Variants in DACH2 observed in about 807,000 individuals in gnomAD.
The protein encoded by DACH2 is dachshund homolog 2.
Under a neutral mutation model 35.8 loss-of-function variants are expected in DACH2, and 17 were observed. The observed-to-expected ratio is 0.48, with a 90% CI of 0.33 to 0.71. The LOEUF (loss-of-function observed/expected upper bound fraction) is 0.71. Ranked by LOEUF, DACH2 falls within the 30% of genes least tolerant of loss-of-function variation. DACH2 has a pLI of 0.02. For synonymous variants in DACH2, 195 were observed against 177.3 expected (o/e 1.10, Z -0.79); for missense variants, 469 against 472.7 (o/e 0.99, Z 0.07).
chrX:86,302,901 T>TA (rs1217990677), intron 1 of DACH2, among the ~76,000 whole-genome samples: 2 of 109,288 alleles, frequency 1.8e-5, no homozygotes, highest in African/African-American at 6.7e-5. Context: ...AACCAATATG[T>TA]AATGAGTAAA....
chrX:86,406,754 A>G (rs1260754318), intron 2 of DACH2, among the ~76,000 whole-genome samples: 1 of 112,102 alleles, frequency 8.9e-6, no homozygotes, highest in Non-Finnish European at 1.9e-5. Context: ...TCACTTTCTA[A>G]CAGCAGAAAC....
chrX:86,783,350 C>A (rs73228649), intron 7 of DACH2, among the ~76,000 whole-genome samples: 6,512 of 111,837 alleles, frequency 0.058, 201 homozygotes, highest in Non-Finnish European at 0.088. Flanking sequence ...CTGTGGAGAA[C>A]AATTTGGAGA....
At chrX:86,539,121 C>A (rs772744855) in intron 3 of DACH2, among the ~76,000 whole-genome samples, 1 of 110,847 alleles carries the variant, frequency 9.0e-6, no homozygotes, top group South Asian at 3.9e-4. Flanking sequence ...GGGAGGGACC[C>A]GGCTGGAGAT....
chrX:86,468,798 G>A (rs1025151099), intron 2 of DACH2, among the ~76,000 whole-genome samples: 2 of 111,251 alleles, frequency 1.8e-5, no homozygotes, highest in African/African-American at 3.3e-5. Context: ...CAGTATGGAG[G>A]TTCCTCAGAA....
intron 4 of DACH2, among the ~76,000 whole-genome samples, chrX:86,690,930 T>C (rs1602792854): frequency 8.9e-6 from 1 of 112,142 alleles, no homozygotes; most frequent in Admixed American, 9.5e-5. Context: ...AAAACAGTGA[T>C]AAGTAGTTGA....
At chrX:86,679,488 G>A (rs2040854875) in intron 4 of DACH2, among the ~76,000 whole-genome samples, 1 of 111,365 alleles carries the variant, frequency 9.0e-6, no homozygotes, top group African/African-American at 3.3e-5. Flanking sequence ...CAATAGTTTT[G>A]CAATGTTATT....
chrX:86,660,103 A>C (rs1217440277), intron 4 of DACH2, among the ~76,000 whole-genome samples: 1 of 111,276 alleles, frequency 9.0e-6, no homozygotes, highest in Non-Finnish European at 1.9e-5. Context: ...TATTGCCTCA[A>C]CTTAACATTT....
At chrX:86,446,243 T>C (rs1382872217) in intron 2 of DACH2, among the ~76,000 whole-genome samples, 2 of 109,026 alleles carry the variant, frequency 1.8e-5, no homozygotes, top group Admixed American at 2.0e-4. Flanking sequence ...TGTCCTTACC[T>C]ATTAATTCAG....
At chrX:86,664,817 A>G (rs2040647799) in intron 4 of DACH2, among the ~76,000 whole-genome samples, 1 of 112,033 alleles carries the variant, frequency 8.9e-6, no homozygotes, top group Admixed American at 9.5e-5. Flanking sequence ...TTCTACACCC[A>G]CCATGAATTC....
intron 1 of DACH2, among the ~76,000 whole-genome samples, chrX:86,218,382 A>C (rs939126331): frequency 7.1e-5 from 8 of 112,068 alleles, no homozygotes; most frequent in Non-Finnish European, 1.3e-4. Context: ...ATAGCTATTA[A>C]ATTATCTATT....
rs762322206 is a variant in DACH2 at position 86,184,172 on chromosome X, C to T, written c.488+35064C>T. ...TGAAGGGTTTTTCATGTTTCTATCT[C>T]CTTCAGTTCTGCTTTTATCTTGTTA... On this transcript the variant is annotated intron_variant, in intron 1 of 11. Coordinates refer to ENST00000373125, the MANE Select transcript of DACH2 (RefSeq NM_053281.3). The T allele has an allele frequency of 3.7e-5, 6 of 163,898 alleles. No individual in the cohort carries two copies. The South Asian group carries it at 4.0e-4, about 11-fold the overall frequency. 13.5% of individuals were successfully genotyped at this position (163,898 alleles called of 1,213,427 possible).
intron 3 of DACH2, among the ~76,000 whole-genome samples, chrX:86,590,422 T>A (rs1168832952): frequency 1.8e-5 from 2 of 111,735 alleles, no homozygotes; most frequent in East Asian, 2.8e-4. Context: ...GAGGAGTGGG[T>A]TTGTTACAGA....
intron 1 of DACH2, among the ~76,000 whole-genome samples, chrX:86,286,854 A>G (rs907837212): frequency 8.9e-6 from 1 of 111,931 alleles, no homozygotes; most frequent in Non-Finnish European, 1.9e-5. Context: ...TGTAGTTATT[A>G]TTTTTTATTC....
At chrX:86,762,240 A>G (rs1304865734) in intron 7 of DACH2, among the ~76,000 whole-genome samples, 1 of 111,328 alleles carries the variant, frequency 9.0e-6, no homozygotes, top group African/African-American at 3.3e-5. Context: ...CAGTTCATTA[A>G]CTTCCTGCAA....
chrX:86,494,217 G>T (rs991745371), intron 2 of DACH2, among the ~76,000 whole-genome samples: 4 of 112,206 alleles, frequency 3.6e-5, no homozygotes, highest in African/African-American at 1.3e-4. Flanking sequence ...CATGGAACAA[G>T]CCTTTAACAA....
chrX:86,165,715 A>G (rs1025529171), intron 1 of DACH2, among the ~76,000 whole-genome samples: 2 of 110,147 alleles, frequency 1.8e-5, no homozygotes, highest in African/African-American at 6.6e-5. Flanking sequence ...TGAGCTCCTT[A>G]TATATTCTGA....
chrX:86,769,490 T>G (rs754915809), intron 7 of DACH2, among the ~76,000 whole-genome samples: 4 of 111,982 alleles, frequency 3.6e-5, no homozygotes, highest in Admixed American at 2.8e-4. Context: ...CAAAGCAATT[T>G]TAAACAAAAA....
chrX:86,755,470 G>A (rs2041817330), intron 7 of DACH2, among the ~76,000 whole-genome samples: 1 of 110,703 alleles, frequency 9.0e-6, no homozygotes, highest in East Asian at 2.8e-4. Flanking sequence ...GTGTGCTTTA[G>A]AGGTTTTAGC....
chrX:86,680,174 G>A (rs2040865029), intron 4 of DACH2, among the ~76,000 whole-genome samples: 2 of 111,564 alleles, frequency 1.8e-5, no homozygotes, highest in Admixed American at 1.9e-4. Context: ...AAATCTAATT[G>A]AATTTTGAAA....
Sources: allele counts gnomAD v4.1 joint callset (sites outside exome capture counted in the v4.1 genomes callset), GRCh38; gene constraint gnomAD v4.1.1; transcripts MANE v1.5; gene names NCBI Gene and HGNC (gene_info 2026-07-23, HGNC 2026-07-21).